L3MBTL2: variants seen among roughly 807,000 people sequenced by gnomAD.
The protein encoded by L3MBTL2 is lethal(3)malignant brain tumor-like protein 2.
A neutral mutation model predicts 86.4 loss-of-function variants in L3MBTL2; 49 were observed. That is an observed-to-expected ratio of 0.57 (90% CI 0.45 to 0.72). The LOEUF is 0.72. Ranked by LOEUF, L3MBTL2 falls within the 30% of genes least tolerant of loss-of-function variation. The pLI is 0.00. For missense variants in L3MBTL2, 755 were observed against 923.7 expected (o/e 0.82, Z 2.37); for synonymous variants, 336 against 350.6 (o/e 0.96, Z 0.47).
intron 5 of L3MBTL2, 43 bp from the exon 6 acceptor site, chr22:41,219,376 C>T (rs1277485053): frequency 4.1e-6 from 6 of 1,460,338 alleles, no homozygotes; most frequent in Non-Finnish European, 5.8e-6. Flanking sequence ...CCCCTGCTAG[C>T]ACAGTTAGCT....
At chr22:41,221,308 T>C (rs2031802424) in intron 8 of L3MBTL2, 21 bp downstream of exon 8, 1 of 1,542,670 alleles carries the variant, frequency 6.5e-7, no homozygotes. Context: ...AGCCCTTAAC[T>C]GATGTGCCTC....
At position 41,221,444 on chromosome 22, in the gene L3MBTL2, G is replaced by A. The variant is rs533435372; in HGVS notation, c.942+157G>A. ...GGCTAGAGACAAATGCTGCTGCTAC[G>A]TGGTTGCCATCTGCCTTTCTAGCCT... On this transcript the variant is annotated intron_variant, in intron 8 of 16. Coordinates refer to ENST00000216237, the MANE Select transcript of L3MBTL2 (RefSeq NM_031488.5). 1.7e-4 allele frequency: 116 copies of A among 669,250 alleles called. 2 individuals carry two copies. Among genetic ancestry groups the A allele is most frequent in the South Asian group, 1.4e-3 (77 of 54,924 alleles). The allele number at this position is 669,250 out of a possible 1,614,324, so 41.5% of individuals were successfully genotyped here.
chr22:41,213,361 GT>G (rs200944566), intron 2 of L3MBTL2, among the ~76,000 whole-genome samples: 1,871 of 151,306 alleles, frequency 0.012, 28 homozygotes, highest in African/African-American at 0.044. Context: ...GTCTTACTTT[GT>G]TGCCCAGGCT....
chr22:41,209,664 C>T, intron 1 of L3MBTL2, 32 bp from the exon 2 acceptor site: 1 of 1,597,014 alleles, frequency 6.3e-7, no homozygotes, highest in Non-Finnish European at 8.6e-7. Context: ...AATCATAATT[C>T]TTTCTACCTG....
intron 3 of L3MBTL2, among the ~76,000 whole-genome samples, chr22:41,215,601 T>C (rs113362906): frequency 0.013 from 1,934 of 150,694 alleles, 31 homozygotes; most frequent in Non-Finnish European, 0.02. Flanking sequence ...CCCCTTTGAG[T>C]ACCTAATGAA....
intron 1 of L3MBTL2, chr22:41,208,249 A>G: frequency 2.5e-6 from 1 of 401,930 alleles, no homozygotes; most frequent in East Asian, 8.6e-5. Flanking sequence ...CTTCCACCTC[A>G]GCTCCAAGAA....
At chr22:41,220,937 G>A in intron 7 of L3MBTL2, 69 bp downstream of exon 7, 1 of 1,530,716 alleles carries the variant, frequency 6.5e-7, no homozygotes, top group African/African-American at 1.4e-5. Flanking sequence ...TCCTCTGCTT[G>A]TGTTAGGTAG....
chr22:41,214,914 G>C (rs2031217665), intron 3 of L3MBTL2, among the ~76,000 whole-genome samples: 1 of 152,210 alleles, frequency 6.6e-6, no homozygotes, highest in Non-Finnish European at 1.5e-5. Context: ...GGGAGGCTGA[G>C]GCAGGAGAAT....
chr22:41,216,900 TGA>T (rs936613806), intron 4 of L3MBTL2: 7 of 495,374 alleles, frequency 1.4e-5, no homozygotes, highest in Non-Finnish European at 1.8e-5. Flanking sequence ...CCTCTACTCC[TGA>T]GAGTCTTGCC....
At position 41,230,216 on chromosome 22, in the gene L3MBTL2, T is replaced by TC. The variant is rs2032505199; in HGVS notation, c.2085dup (p.Val696ArgfsTer82). ...GGCTTCAAGTCCAGAGCTGCCTGTC[T>TC]CCGTCGAGAACATCAAGCAGGAAAC... On this transcript the variant is annotated frameshift_variant, in exon 17 of 17. Coordinates refer to ENST00000216237, the MANE Select transcript of L3MBTL2 (RefSeq NM_031488.5). LOFTEE classifies it high-confidence loss of function. 6.2e-7 allele frequency: 1 copy of TC among 1,613,204 alleles called. No homozygotes were observed. Among genetic ancestry groups the TC allele is most frequent in the Non-Finnish European group, 8.5e-7 (1 of 1,179,738 alleles).
rs1304761825 is a variant in L3MBTL2, at chr22:41,219,463, G to A, written c.645G>A (p.Lys215=). ...GGGAGGATGTGATGAAAGGGATGAA[G>A]GTGGAGGTGCTCAACAGTGATGCTG... ...DQWEDVMKGM[K]VEVLNSDAVL... is the part of the protein sequence containing the mutation. Residue 215 remains lysine, a synonymous_variant, in exon 6 of 17, where the codon AAG becomes AAA. Transcript: ENST00000216237. 6.2e-7 allele frequency: 1 copy of A among 1,614,002 alleles called. No homozygotes were observed. Among genetic ancestry groups the A allele is most frequent in the East Asian group, 2.2e-5 (1 of 44,884 alleles).
At position 41,217,167 on chromosome 22, in the gene L3MBTL2, A is replaced by C; in HGVS notation, c.565A>C (p.Ser189Arg). Residue 189 changes from serine to arginine, a missense_variant, in exon 5 of 17, where the codon AGT (serine) becomes CGT (arginine). By Grantham distance (110) the Ser-to-Arg change is moderately radical (BLOSUM62 -1). Coordinates refer to ENST00000216237, the MANE Select transcript of L3MBTL2 (RefSeq NM_031488.5). ...FDWGKFLKDHSYKAAPVSCFK... is the reference protein window; with the variant it reads ...FDWGKFLKDHRYKAAPVSCFK... ...CTGGGGGAAGTTCCTGAAGGATCACAGTTACAAGGCTGCTCCCGTCAGCTG... is the reference window on the plus strand; with the variant it reads ...CTGGGGGAAGTTCCTGAAGGATCACCGTTACAAGGCTGCTCCCGTCAGCTG... 3.1e-6 allele frequency: 5 copies of C among 1,613,918 alleles called. No individual in the cohort carries two copies. Among genetic ancestry groups the C allele is most frequent in the Non-Finnish European group, 4.2e-6 (5 of 1,179,990 alleles).
chr22:41,216,353 C>T, intron 4 of L3MBTL2, 91 bp downstream of exon 4: 1 of 1,494,996 alleles, frequency 6.7e-7, no homozygotes, highest in Non-Finnish European at 9.1e-7. Context: ...GAAGACTGGG[C>T]AAACCGGCCA....
Position 41,221,221 on chromosome 22 carries a change from C to A in L3MBTL2, c.876C>A (p.Asp292Glu). The A allele has an allele frequency of 6.4e-7, 1 of 1,550,974 alleles. No individual in the cohort carries two copies. Among genetic ancestry groups the A allele is most frequent in the East Asian group, 2.4e-5 (1 of 40,908 alleles). ...CAGCCATCCATGCCAAGTTCACCGA[C>A]TGGAAGGGCTACCTCATGAAACGGC... ...PPRTIHAKFT[D>E]WKGYLMKRLV... is the part of the protein sequence containing the mutation. Residue 292 changes from aspartate (D) to glutamate (E), a missense_variant, in exon 8 of 17, where the codon GAC becomes GAA. Around this residue, in one of 3 missense-constraint regions of L3MBTL2, gnomAD observed 634 missense variants for 748.9 expected, o/e 0.85. Coordinates refer to ENST00000216237, the MANE Select transcript of L3MBTL2 (RefSeq NM_031488.5).
At chr22:41,219,326 G>A in intron 5 of L3MBTL2, 93 bp from the exon 6 acceptor site, 2 of 885,088 alleles carry the variant, frequency 2.3e-6, no homozygotes, top group Admixed American at 3.5e-5. Flanking sequence ...AAGTTGAGGT[G>A]CAAACGAGGA....
At position 41,230,681 on chromosome 22, in the gene L3MBTL2, C is replaced by T; in HGVS notation, c.*430C>T. 1 of 179,376 alleles carries T rather than the reference C, an allele frequency of 5.6e-6. No homozygotes were observed. The highest frequency in any genetic ancestry group is 1.2e-5 in the Non-Finnish European group (1 of 85,800). 11.1% of individuals were successfully genotyped at this position (179,376 alleles called of 1,614,324 possible). On this transcript the variant is annotated 3_prime_UTR_variant, in exon 17 of 17. Coordinates refer to ENST00000216237, the MANE Select transcript of L3MBTL2 (RefSeq NM_031488.5). ...GAGCCATGTAAATTAAGTTCTAGAGCAGCTCTCTGAGCAGGATAAGGTCCC... is the reference window on the plus strand; with the variant it reads ...GAGCCATGTAAATTAAGTTCTAGAGTAGCTCTCTGAGCAGGATAAGGTCCC...
At position 41,224,922 on chromosome 22, in the gene L3MBTL2, C is replaced by G. The variant is rs980460114; in HGVS notation, c.1252-45C>G. 1 of 1,586,242 alleles carries G rather than the reference C, an allele frequency of 6.3e-7. No individual in the cohort carries two copies. Reference sequence around the variant, plus strand: ...CTGAGGCCTGCTTCCCTCACCCTTCCTCCTGGCCTGCCCAGGGAGTCCCCA... The same window carrying G: ...CTGAGGCCTGCTTCCCTCACCCTTCGTCCTGGCCTGCCCAGGGAGTCCCCA... On this transcript the variant is annotated intron_variant, in intron 10 of 16. Coordinates refer to ENST00000216237, the MANE Select transcript of L3MBTL2 (RefSeq NM_031488.5). This position sits in a 1 kb window ranked among gnomAD's most constrained non-coding sequence, Gnocchi z 4.9.
At position 41,224,162 on chromosome 22, in the gene L3MBTL2, G is replaced by A. The variant is rs1022715723; in HGVS notation, c.1085G>A (p.Ser362Asn). ...CGGCTCCTCTACGAGGATGGTGACA[G>A]TGACGACGACTTCTGGTGCCACATG... ...RLRLLYEDGD[S>N]DDDFWCHMWS... The change falls in exon 9 of 17, where the codon AGT becomes AAT. Residue 362 changes from serine (S) to asparagine (N), a missense_variant. Coordinates refer to ENST00000216237, the MANE Select transcript of L3MBTL2 (RefSeq NM_031488.5). The surrounding 1 kb of genome is among the most constrained non-coding windows in gnomAD (Gnocchi z 4.9). 1.9e-6 allele frequency: 3 copies of A among 1,614,158 alleles called. No individual in the cohort carries two copies. Among genetic ancestry groups the A allele is most frequent in the African/African-American group, 1.3e-5 (1 of 75,070 alleles).
chr22:41,227,410 C>T lies in L3MBTL2; in HGVS notation c.1822+87C>T. ...CCCCGCCCCTGTGCCCATCTCCGTT[C>T]TTTGGCATGAGGTGGAGATGTCTCA... On this transcript the variant is annotated intron_variant, in intron 14 of 16. Coordinates refer to ENST00000216237, the MANE Select transcript of L3MBTL2 (RefSeq NM_031488.5). The surrounding 1 kb of genome is among the most constrained non-coding windows in gnomAD (Gnocchi z 6.0). 7.4e-7 allele frequency: 1 copy of T among 1,359,080 alleles called. No homozygotes were observed. The highest frequency in any genetic ancestry group is 1.0e-6 in the Non-Finnish European group (1 of 975,546). 84.2% of individuals were successfully genotyped at this position (1,359,080 alleles called of 1,614,324 possible).
Sources: allele counts gnomAD v4.1 joint callset (sites outside exome capture counted in the v4.1 genomes callset), GRCh38; gene constraint gnomAD v4.1.1; regional missense constraint gnomAD v4.1.1; non-coding constraint Gnocchi (gnomAD v3.1); transcripts MANE v1.5; gene names NCBI Gene and HGNC (gene_info 2026-07-23, HGNC 2026-07-21).